DOCK10: variants seen among roughly 807,000 people sequenced by gnomAD.
The protein encoded by DOCK10 is dedicator of cytokinesis protein 10.
DOCK10 carries 145 observed loss-of-function variants against 280.1 expected under a neutral mutation model. The ratio of observed to expected loss-of-function variants is 0.52; its 90% confidence interval spans 0.45 to 0.59. The LOEUF (loss-of-function observed/expected upper bound fraction) is 0.59, where lower values mean the gene tolerates loss of function less well. Ranked by LOEUF, DOCK10 falls within the 20% of genes least tolerant of loss-of-function variation. DOCK10 has a pLI of 0.00. For missense variants in DOCK10, 2,368 were observed against 2,651.7 expected (o/e 0.89, Z 2.35); for synonymous variants, 915 against 942.2 (o/e 0.97, Z 0.53).
intron 1 of DOCK10, among the ~76,000 whole-genome samples, chr2:225,038,857 T>C (rs1333576993): frequency 6.6e-6 from 1 of 151,362 alleles, no homozygotes; most frequent in Admixed American, 6.6e-5. Context: ...CTCATCCTTC[T>C]GGTTATCTGA....
At chr2:224,838,541 A>T (rs1182645670) in intron 24 of DOCK10, among the ~76,000 whole-genome samples, 3 of 152,168 alleles carry the variant, frequency 2.0e-5, no homozygotes, top group East Asian at 3.9e-4. Context: ...ACAGCTGGGG[A>T]CTTTTGATGC....
chr2:224,939,549 G>T (rs1559816709), intron 1 of DOCK10, among the ~76,000 whole-genome samples: 3 of 152,106 alleles, frequency 2.0e-5, no homozygotes, highest in Non-Finnish European at 2.9e-5. Flanking sequence ...TAGTTTTCTA[G>T]AAACACTTGA....
chr2:224,787,858 A>G (rs1299414536), intron 48 of DOCK10, among the ~76,000 whole-genome samples: 1 of 151,910 alleles, frequency 6.6e-6, no homozygotes, highest in Non-Finnish European at 1.5e-5. Context: ...TCAGGCACCA[A>G]CCTCCCTCTC....
chr2:224,947,728 T>C lies in DOCK10; in HGVS notation c.124-16060A>G, dbSNP rs536607046. Among the ~76,000 whole-genome samples the C allele has an allele frequency of 3.6e-4, 55 of 152,166 alleles. 1 individual carries two copies. The highest frequency in any genetic ancestry group is 5.9e-4 in the Non-Finnish European group (40 of 68,020). On this transcript the variant is annotated intron_variant, in intron 1 of 55. Coordinates refer to ENST00000258390, the MANE Select transcript of DOCK10 (RefSeq NM_014689.3). The stretch of plus-strand genomic sequence containing the variant: ...AACCCACCCAGATGCTCTTTCCTGT[T>C]TTGATTTTCTCCATCACAGTCACTG...
intron 5 of DOCK10, 135 bp downstream of exon 5, chr2:224,886,324 C>A: frequency 6.8e-7 from 1 of 1,476,158 alleles, no homozygotes. Context: ...AAACGTGACT[C>A]ATTTTGACTA....
intron 1 of DOCK10, among the ~76,000 whole-genome samples, chr2:225,018,951 A>G (rs1273058302): frequency 2.7e-5 from 4 of 150,268 alleles, no homozygotes; most frequent in Non-Finnish European, 5.9e-5. Flanking sequence ...ATATATGTAT[A>G]TATGTGTATA....
intron 7 of DOCK10, among the ~76,000 whole-genome samples, chr2:224,878,532 T>C (rs1294171365): frequency 6.6e-6 from 1 of 152,200 alleles, no homozygotes; most frequent in Admixed American, 6.5e-5. Context: ...TTACTTGACA[T>C]TGCCCCGGCA....
At chr2:224,971,455 G>C (rs1376876381) in intron 1 of DOCK10, among the ~76,000 whole-genome samples, 2 of 152,090 alleles carry the variant, frequency 1.3e-5, no homozygotes, top group African/African-American at 2.4e-5. Flanking sequence ...GGTGGGTGTG[G>C]CTGGGCTTGC....
chr2:224,994,380 T>C (rs1222062235), intron 1 of DOCK10, among the ~76,000 whole-genome samples: 2 of 152,208 alleles, frequency 1.3e-5, no homozygotes, highest in South Asian at 2.1e-4. Flanking sequence ...TGAGATAATA[T>C]GTATAAAAGG....
At chr2:224,911,095 T>C (rs1313663676) in intron 3 of DOCK10, among the ~76,000 whole-genome samples, 2 of 152,108 alleles carry the variant, frequency 1.3e-5, no homozygotes, top group African/African-American at 4.8e-5. Flanking sequence ...AAGTTTAGCA[T>C]ATATTTGGGA....
intron 31 of DOCK10, 32 bp downstream of exon 31, chr2:224,814,288 T>G: frequency 1.4e-6 from 2 of 1,419,674 alleles, no homozygotes; most frequent in Non-Finnish European, 1.9e-6. Context: ...TACAGGTGGT[T>G]ACTGATGCTT....
chr2:224,886,885 A>ATCCC (rs1699320005), intron 4 of DOCK10, among the ~76,000 whole-genome samples: 1 of 116,114 alleles, frequency 8.6e-6, no homozygotes, highest in African/African-American at 4.8e-5. Flanking sequence ...CAGCACCCCC[A>ATCCC]ACACCCCCCC....
intron 31 of DOCK10, among the ~76,000 whole-genome samples, chr2:224,813,510 C>T (rs1442531798): frequency 6.6e-6 from 1 of 152,122 alleles, no homozygotes; most frequent in Non-Finnish European, 1.5e-5. Flanking sequence ...TCAATTTTAC[C>T]TCAATAAGGC....
In DOCK10 at chr2:225,025,570, A is replaced by G. The variant is rs116300327; in HGVS notation, c.123+16682T>C. Among the ~76,000 whole-genome samples, 395 of 152,352 alleles carry G rather than the reference A, an allele frequency of 2.6e-3. 1 individual carries two copies. Among genetic ancestry groups the G allele is most frequent in the African/African-American group, 9.2e-3 (381 of 41,582 alleles). On this transcript the variant is annotated intron_variant, in intron 1 of 55. Coordinates refer to ENST00000258390, the MANE Select transcript of DOCK10 (RefSeq NM_014689.3). Reference sequence around the variant, plus strand: ...TAAAAAATAAAGAAATCATGGGCCTAGAATGCAATTTTCCTCACAATCACA... The same window carrying G: ...TAAAAAATAAAGAAATCATGGGCCTGGAATGCAATTTTCCTCACAATCACA...
intron 4 of DOCK10, among the ~76,000 whole-genome samples, chr2:224,892,737 T>C (rs532458953): frequency 4.5e-4 from 68 of 152,324 alleles, no homozygotes; most frequent in Non-Finnish European, 9.3e-4. Context: ...GCCTGTCCAA[T>C]GCCCTTGGGC....
intron 48 of DOCK10, among the ~76,000 whole-genome samples, chr2:224,787,663 AC>A (rs1481761794): frequency 6.6e-6 from 1 of 151,866 alleles, no homozygotes. Context: ...CTGACTTCGT[AC>A]TCCCTGACCC....
intron 11 of DOCK10, among the ~76,000 whole-genome samples, chr2:224,873,757 A>G (rs1574973465): frequency 6.6e-6 from 1 of 152,126 alleles, no homozygotes; most frequent in Non-Finnish European, 1.5e-5. Context: ...ATGGCAGTAT[A>G]TTGATAAAGT....
At chr2:224,927,856 T>C (rs1702121121) in intron 2 of DOCK10, among the ~76,000 whole-genome samples, 1 of 151,142 alleles carries the variant, frequency 6.6e-6, no homozygotes, top group Admixed American at 6.6e-5. Flanking sequence ...CGTGGAAACA[T>C]ACAAGTGAGC....
intron 3 of DOCK10, among the ~76,000 whole-genome samples, chr2:224,910,813 G>T (rs1004013512): frequency 6.6e-6 from 1 of 152,214 alleles, no homozygotes. Context: ...TGTAAGCAGG[G>T]CTTATCTTCT....
Sources: gnomAD v4.1 joint callset for allele counts (sites outside exome capture counted in the v4.1 genomes callset) on GRCh38, gnomAD v4.1.1 for gene constraint, MANE v1.5 for transcripts, NCBI Gene and HGNC (gene_info 2026-07-23, HGNC 2026-07-21) for gene names.